Variants in SNX29 observed in about 807,000 individuals in gnomAD.
The protein encoded by SNX29 is sorting nexin-29.
SNX29 carries 78 observed loss-of-function variants against 102.1 expected under a neutral mutation model. That is an observed-to-expected ratio of 0.76 (90% confidence interval 0.64 to 0.92). The LOEUF (loss-of-function observed/expected upper bound fraction) is 0.92, where lower values mean the gene tolerates loss of function less well. Ranked by LOEUF, SNX29 falls within the 40% of genes least tolerant of loss-of-function variation. The pLI, the probability that SNX29 is intolerant of heterozygous loss-of-function variation, is 0.00. For missense variants in SNX29, 1,280 were observed against 1,061.7 expected (o/e 1.21, Z -2.86); for synonymous variants, 580 against 414.5 (o/e 1.40, Z -4.85).
In SNX29 at chr16:12,572,007, G is replaced by A. The variant is rs1598141882; in HGVS notation, c.*3378G>A. On this transcript the variant is annotated 3_prime_UTR_variant, in exon 21 of 21. Transcript: ENST00000566228. ...ACATCCAGTCACCAGTTGCATCTAGGGAGCTGCTGGCTATAAAAGGGATCA... is the reference window on the plus strand; with the variant it reads ...ACATCCAGTCACCAGTTGCATCTAGAGAGCTGCTGGCTATAAAAGGGATCA... 2.2e-5 allele frequency: 23 copies of A among 1,062,586 alleles called. No individual in the cohort carries two copies. In the East Asian group the frequency reaches 1.2e-3, roughly 54 times the overall value. The allele number at this position is 1,062,586 out of a possible 1,614,324, so 65.8% of individuals were successfully genotyped here. A position where few individuals can be genotyped will look rare whatever the true frequency, so the allele number is the denominator to read the frequency against.
intron 3 of SNX29, among the ~76,000 whole-genome samples, chr16:12,005,645 C>G (rs1229688259): frequency 2.0e-5 from 3 of 152,150 alleles, no homozygotes; most frequent in Admixed American, 6.6e-5. Context: ...CTGAGAGAGG[C>G]AATCCTGCTC....
intron 11 of SNX29, among the ~76,000 whole-genome samples, chr16:12,084,048 C>G (rs1411734449): frequency 6.6e-6 from 1 of 152,184 alleles, no homozygotes; most frequent in Non-Finnish European, 1.5e-5. Flanking sequence ...TTATTTACTA[C>G]TGAAGAGAAG....
chr16:12,166,175 T>C (rs1047211047), intron 13 of SNX29, among the ~76,000 whole-genome samples: 1 of 152,242 alleles, frequency 6.6e-6, no homozygotes, highest in Admixed American at 6.5e-5. Context: ...CATTAATTCA[T>C]TGATGAAACA....
chr16:12,409,703 G>C (rs1468138360), intron 18 of SNX29, among the ~76,000 whole-genome samples: 1 of 152,052 alleles, frequency 6.6e-6, no homozygotes, highest in South Asian at 2.1e-4. Flanking sequence ...AGGTATGTTA[G>C]GCCTTAAAAA....
intron 19 of SNX29, among the ~76,000 whole-genome samples, chr16:12,509,288 C>T (rs562680536): frequency 6.6e-6 from 1 of 152,284 alleles, no homozygotes; most frequent in Admixed American, 6.5e-5. Flanking sequence ...AAGGGAAGGG[C>T]ACCAGGCATG....
At chr16:12,236,369 C>G (rs2077933117) in intron 14 of SNX29, among the ~76,000 whole-genome samples, 1 of 152,102 alleles carries the variant, frequency 6.6e-6, no homozygotes, top group Non-Finnish European at 1.5e-5. Context: ...TGAGGGTGAC[C>G]TCTTTTTGTA....
chr16:12,270,977 A>G lies in SNX29; in HGVS notation c.1679-6956A>G, dbSNP rs1267017017. Among the ~76,000 whole-genome samples the G allele has an allele frequency of 3.3e-5, 5 of 152,312 alleles. No homozygotes were observed. The East Asian group carries it at 5.8e-4, about 18-fold the overall frequency. On this transcript the variant is annotated intron_variant, in intron 14 of 20. Coordinates refer to ENST00000566228, the MANE Select transcript of SNX29 (RefSeq NM_032167.5). ...AGAATGGCTTGAACTGGGGAGGTGG[A>G]GGTTGCAGTGAGTCAAGATCGCGCC...
Position 12,398,517 on chromosome 16 carries a change from G to A in SNX29, c.1955+16G>A, listed in dbSNP as rs1019050202. The A allele has an allele frequency of 6.2e-7, 1 of 1,613,954 alleles. No homozygotes were observed. Among genetic ancestry groups the A allele is most frequent in the Non-Finnish European group, 8.5e-7 (1 of 1,179,840 alleles). ...ATTTTGAAATGTAAGTCCACAGCCT[G>A]TGCTCACAAGGGGTCCTTTAGAAAC... On this transcript the variant is annotated intron_variant, in intron 17 of 20. Coordinates refer to ENST00000566228, the MANE Select transcript of SNX29 (RefSeq NM_032167.5).
chr16:12,296,756 A>T (rs558390940), intron 15 of SNX29, among the ~76,000 whole-genome samples: 67 of 152,342 alleles, frequency 4.4e-4, no homozygotes, highest in African/African-American at 1.5e-3. Flanking sequence ...GGGCCAGGCA[A>T]TAGATACATT....
chr16:12,521,070 C>T (rs1459102808), intron 19 of SNX29, among the ~76,000 whole-genome samples: 1 of 152,090 alleles, frequency 6.6e-6, no homozygotes, highest in African/African-American at 2.4e-5. Flanking sequence ...ATCCCAGCTA[C>T]TTGGGAGGCT....
At chr16:12,540,205 G>C (rs1023325844) in intron 20 of SNX29, among the ~76,000 whole-genome samples, 2 of 152,052 alleles carry the variant, frequency 1.3e-5, no homozygotes. Flanking sequence ...CCAAGGATTG[G>C]GTCAAGGTTA....
chr16:11,981,004 A>T (rs1041589230), intron 1 of SNX29, among the ~76,000 whole-genome samples: 2 of 149,128 alleles, frequency 1.3e-5, no homozygotes, highest in African/African-American at 5.0e-5. Context: ...TCTATCACCC[A>T]GGCTGGAGTG....
At chr16:12,220,490 G>T (rs1285752957) in intron 14 of SNX29, among the ~76,000 whole-genome samples, 1 of 152,122 alleles carries the variant, frequency 6.6e-6, no homozygotes, top group Non-Finnish European at 1.5e-5. Flanking sequence ...CTATGAGGCT[G>T]TGATTTTATC....
chr16:12,219,325 C>A (rs1017168127), intron 14 of SNX29, among the ~76,000 whole-genome samples: 3 of 151,852 alleles, frequency 2.0e-5, no homozygotes, highest in Non-Finnish European at 4.4e-5. Flanking sequence ...CTGTGGCCCA[C>A]AGTAAGAAAT....
intron 11 of SNX29, among the ~76,000 whole-genome samples, chr16:12,100,206 C>T (rs1596881001): frequency 6.6e-6 from 1 of 152,318 alleles, no homozygotes; most frequent in East Asian, 1.9e-4. Context: ...GTGTCAGGTG[C>T]TGTGCTGGCT....
At chr16:12,564,006 C>G (rs1244910223) in intron 20 of SNX29, among the ~76,000 whole-genome samples, 2 of 152,162 alleles carry the variant, frequency 1.3e-5, no homozygotes, top group Non-Finnish European at 2.9e-5. Context: ...GCACCCTCTT[C>G]CCCCAGGGTA....
intron 14 of SNX29, among the ~76,000 whole-genome samples, chr16:12,271,267 G>C (rs1332869637): frequency 1.3e-5 from 2 of 152,246 alleles, no homozygotes; most frequent in African/African-American, 4.8e-5. Flanking sequence ...GTTGGAGGCT[G>C]CGGTTGTCCC....
At chr16:12,563,637 G>C (rs1362732462) in intron 20 of SNX29, among the ~76,000 whole-genome samples, 1 of 152,108 alleles carries the variant, frequency 6.6e-6, no homozygotes, top group Non-Finnish European at 1.5e-5. Flanking sequence ...CCTGGCCCCA[G>C]AAGGTAGGAA....
chr16:12,137,398 GCTC>G lies in SNX29; in HGVS notation c.1595+7646_1595+7648del, dbSNP rs67899879. On this transcript the variant is annotated intron_variant, in intron 13 of 20. Coordinates refer to ENST00000566228, the MANE Select transcript of SNX29 (RefSeq NM_032167.5). ...GCCCCTGGCCTTCACTTGACCTTCAGCTCCTCCTGGTGTTATTTTTCCAGCCCT... is the reference window on the plus strand; with the variant it reads ...GCCCCTGGCCTTCACTTGACCTTCAGCTCCTGGTGTTATTTTTCCAGCCCT... Among the ~76,000 whole-genome samples the G allele has an allele frequency of 4.7e-3, 712 of 152,296 alleles. 8 individuals carry two copies. Among genetic ancestry groups the G allele is most frequent in the South Asian group, 0.032 (156 of 4,820 alleles).
Sources: allele counts gnomAD v4.1 joint callset (sites outside exome capture counted in the v4.1 genomes callset), GRCh38; gene constraint gnomAD v4.1.1; transcripts MANE v1.5; gene names NCBI Gene and HGNC (gene_info 2026-07-23, HGNC 2026-07-21).